Variants in NDST3 observed in about 807,000 individuals in gnomAD.
NDST3 encodes the protein bifunctional heparan sulfate N-deacetylase/N-sulfotransferase 3.
A neutral mutation model predicts 96.1 loss-of-function variants in NDST3; 58 were observed. The observed-to-expected ratio is 0.60, with a 90% CI of 0.49 to 0.75. NDST3 has a LOEUF of 0.75. Ranked by LOEUF, NDST3 falls within the 30% of genes least tolerant of loss-of-function variation. NDST3 has a pLI of 0.00. For missense variants in NDST3, 788 were observed against 1,034.2 expected (o/e 0.76, Z 3.27); for synonymous variants, 333 against 359.7 (o/e 0.93, Z 0.84).
intron 2 of NDST3, among the ~76,000 whole-genome samples, chr4:118,097,462 T>C (rs1460230653): frequency 6.6e-6 from 1 of 151,970 alleles, no homozygotes; most frequent in African/African-American, 2.4e-5. Flanking sequence ...TTGAACTATT[T>C]GAAATCAAGG....
At chr4:118,099,023 A>G (rs1318301229) in intron 2 of NDST3, among the ~76,000 whole-genome samples, 1 of 152,090 alleles carries the variant, frequency 6.6e-6, no homozygotes, top group Non-Finnish European at 1.5e-5. Context: ...TTCATTCACA[A>G]AGCTAAAACT....
chr4:118,138,185 T>C lies in NDST3; in HGVS notation c.1356T>C (p.Tyr452=). The change falls in exon 5 of 14, where the codon TAT becomes TAC. Residue 452 remains tyrosine, a synonymous_variant. Coordinates refer to ENST00000296499, the MANE Select transcript of NDST3 (RefSeq NM_004784.3). ...TTAAAATCACCAGCACTGAAGAATA[T>C]CCACATCTGAAGCCAGCTAGATACC... is the stretch of plus-strand genomic sequence containing the variant. The part of the protein sequence containing the change: ...WNIKITSTEE[Y]PHLKPARYRR... 6.2e-7 allele frequency: 1 copy of C among 1,613,884 alleles called. No homozygotes were observed. The highest frequency in any genetic ancestry group is 1.1e-5 in the South Asian group (1 of 91,070).
At chr4:118,063,275 CCAGA>C (rs940512920) in intron 2 of NDST3, among the ~76,000 whole-genome samples, 64 of 149,622 alleles carry the variant, frequency 4.3e-4, no homozygotes, top group African/African-American at 1.5e-3. Context: ...CAAAGCTCAA[CCAGA>C]CAATGATGAG....
chr4:118,205,105 G>A (rs1738348193), intron 6 of NDST3, among the ~76,000 whole-genome samples: 1 of 143,272 alleles, frequency 7.0e-6, no homozygotes, highest in South Asian at 2.4e-4. Flanking sequence ...TGTTATCATT[G>A]CTTCTATTTT....
intron 2 of NDST3, among the ~76,000 whole-genome samples, chr4:118,064,652 A>G (rs1199354872): frequency 1.3e-5 from 2 of 152,178 alleles, no homozygotes; most frequent in Non-Finnish European, 2.9e-5. Context: ...CAGGATTATT[A>G]ATAGTTATTA....
At chr4:118,143,228 T>C (rs184630865) in intron 5 of NDST3, among the ~76,000 whole-genome samples, 2 of 152,240 alleles carry the variant, frequency 1.3e-5, no homozygotes, top group Non-Finnish European at 2.9e-5. Flanking sequence ...TAAAGTCTCA[T>C]TTTTACTTCT....
intron 1 of NDST3, among the ~76,000 whole-genome samples, chr4:118,038,664 A>T (rs1387401778): frequency 6.6e-6 from 1 of 152,218 alleles, no homozygotes; most frequent in Non-Finnish European, 1.5e-5. Context: ...AGTCCATGTA[A>T]CATATTTGAG....
Position 118,146,702 on chromosome 4 carries a change from G to A in NDST3, c.1539+3018G>A, listed in dbSNP as rs558104321. On this transcript the variant is annotated intron_variant, in intron 6 of 13. Coordinates refer to ENST00000296499, the MANE Select transcript of NDST3 (RefSeq NM_004784.3). ...AAATGTTAGCACTGTCTGGGGAAGAGAAAACTTTGGTCATCTCTAAATGAG... is the reference window on the plus strand; with the variant it reads ...AAATGTTAGCACTGTCTGGGGAAGAAAAAACTTTGGTCATCTCTAAATGAG... 5.8e-4 allele frequency among the ~76,000 whole-genome samples: 88 copies of A among 152,354 alleles called. No homozygotes were observed. In the South Asian group the frequency reaches 9.7e-3, roughly 17 times the overall value.
intron 6 of NDST3, among the ~76,000 whole-genome samples, chr4:118,160,384 C>T (rs926505151): frequency 6.6e-6 from 1 of 150,692 alleles, no homozygotes; most frequent in Non-Finnish European, 1.5e-5. Context: ...AGACAGCCTA[C>T]AAAATGGGAG....
chr4:118,100,648 T>C (rs72674156), intron 2 of NDST3, among the ~76,000 whole-genome samples: 51 of 152,234 alleles, frequency 3.4e-4, no homozygotes, highest in Non-Finnish European at 6.3e-4. Context: ...CACAGTTCTG[T>C]ATGCCAGTGA....
At chr4:118,111,462 C>T (rs1730625983) in intron 3 of NDST3, among the ~76,000 whole-genome samples, 2 of 151,816 alleles carry the variant, frequency 1.3e-5, no homozygotes, top group African/African-American at 2.4e-5. Flanking sequence ...AAAGAGTGGG[C>T]AAGAGGCCAC....
chr4:118,210,506 G>A (rs1578818975), intron 6 of NDST3, among the ~76,000 whole-genome samples: 1 of 152,080 alleles, frequency 6.6e-6, no homozygotes, highest in African/African-American at 2.4e-5. Context: ...GGCCGGGCAC[G>A]GTGTTTCACA....
intron 2 of NDST3, among the ~76,000 whole-genome samples, chr4:118,095,537 C>T (rs1729227804): frequency 1.3e-5 from 2 of 150,892 alleles, no homozygotes; most frequent in Non-Finnish European, 3.0e-5. Context: ...CAACAGTACT[C>T]ACAGTTGTAC....
rs969684144 is a variant in NDST3 at position 118,208,955 on chromosome 4, G to A, written c.1540-15536G>A. 1.8e-5 allele frequency among the ~76,000 whole-genome samples: 2 copies of A among 111,356 alleles called. 1 individual carries two copies. The highest frequency in any genetic ancestry group is 6.6e-5 in the African/African-American group (2 of 30,094). The allele number at this position is 111,356 out of a possible 152,430, so 73.1% of individuals were successfully genotyped here. ...CCCCCCAGAGTGAATTCAGCCTTAT[G>A]AGCAAATATAGTTAATTGAAACCTC... On this transcript the variant is annotated intron_variant, in intron 6 of 13. Coordinates refer to ENST00000296499, the MANE Select transcript of NDST3 (RefSeq NM_004784.3).
At chr4:118,166,067 T>A (rs531114179) in intron 6 of NDST3, among the ~76,000 whole-genome samples, 14 of 150,156 alleles carry the variant, frequency 9.3e-5, no homozygotes, top group African/African-American at 3.2e-4. Context: ...ACAATAAAGA[T>A]TAGAGCAAAA....
chr4:118,074,589 C>T (rs1245377279), intron 2 of NDST3, among the ~76,000 whole-genome samples: 1 of 152,130 alleles, frequency 6.6e-6, no homozygotes, highest in African/African-American at 2.4e-5. Context: ...TTTCTGTTTG[C>T]TTCACAGATC....
intron 5 of NDST3, among the ~76,000 whole-genome samples, chr4:118,141,199 C>T (rs536108965): frequency 2.0e-5 from 3 of 152,232 alleles, no homozygotes; most frequent in South Asian, 2.1e-4. Flanking sequence ...AGGGGTTCAT[C>T]GGCATCTCAA....
At position 118,169,515 on chromosome 4, in the gene NDST3, C is replaced by T. The variant is rs184446915; in HGVS notation, c.1539+25831C>T. On this transcript the variant is annotated intron_variant, in intron 6 of 13. Coordinates refer to ENST00000296499, the MANE Select transcript of NDST3 (RefSeq NM_004784.3). ...GAAATCAGAAAAACCTGAAGTGGGCCGGGCACAGTGGCTCACGCCTGTAAT... is the reference window on the plus strand; with the variant it reads ...GAAATCAGAAAAACCTGAAGTGGGCTGGGCACAGTGGCTCACGCCTGTAAT... Among the ~76,000 whole-genome samples the T allele has an allele frequency of 5.0e-3, 755 of 152,092 alleles. 6 individuals are homozygous for T. In the Middle Eastern group the frequency reaches 0.051, roughly 10 times the overall value.
chr4:118,040,871 A>ATATATATATATT (rs1560603302), intron 1 of NDST3, among the ~76,000 whole-genome samples: 20 of 53,302 alleles, frequency 3.8e-4, no homozygotes, highest in Non-Finnish European at 6.4e-4. Context: ...ATATTTTTAT[A>ATATATATATATT]TATATATATA....
Sources: allele counts gnomAD v4.1 joint callset (sites outside exome capture counted in the v4.1 genomes callset), GRCh38; gene constraint gnomAD v4.1.1; transcripts MANE v1.5; gene names NCBI Gene and HGNC (gene_info 2026-07-23, HGNC 2026-07-21).